ETFRF1: variants seen among roughly 807,000 people sequenced by gnomAD.
ETFRF1 encodes LYR motif containing 5.
A neutral mutation model predicts 9.0 loss-of-function variants in ETFRF1; 12 were observed. That is an observed-to-expected ratio of 1.34 (90% CI 0.86 to 2.16). ETFRF1 has a LOEUF of 2.16. Ranked by LOEUF, ETFRF1 falls within the 30% of genes most tolerant of loss-of-function variation. The pLI, the probability that ETFRF1 is intolerant of heterozygous loss-of-function variation, is 0.00. For missense variants in ETFRF1, 98 were observed against 101.8 expected (o/e 0.96, Z 0.16); for synonymous variants, 34 against 33.2 (o/e 1.02, Z -0.08).
chr12:25,202,104 G>A (rs546505710), intron 1 of ETFRF1, among the ~76,000 whole-genome samples: 10 of 138,576 alleles, frequency 7.2e-5, no homozygotes, highest in African/African-American at 1.8e-4. Context: ...GTGGTGGCGC[G>A]CACACGTAGT....
At chr12:25,199,875 G>A (rs1028422725) in intron 1 of ETFRF1, among the ~76,000 whole-genome samples, 8 of 151,846 alleles carry the variant, frequency 5.3e-5, no homozygotes, top group African/African-American at 1.9e-4. Context: ...GAACAACTCA[G>A]TAGAACACTT....
intron 1 of ETFRF1, among the ~76,000 whole-genome samples, chr12:25,200,583 G>A (rs10842504): frequency 0.49 from 74,872 of 151,956 alleles, 19,375 homozygotes; most frequent in East Asian, 0.8. Flanking sequence ...GCAAACAGAC[G>A]AGCAACTACT....
chr12:25,199,617 C>CAT (rs1424044381), intron 1 of ETFRF1, among the ~76,000 whole-genome samples: 2 of 135,648 alleles, frequency 1.5e-5, no homozygotes. Context: ...TATATGTATA[C>CAT]ATACACACAC....
intron 1 of ETFRF1, among the ~76,000 whole-genome samples, chr12:25,201,943 G>A (rs548126450): frequency 3.1e-4 from 47 of 151,576 alleles, no homozygotes; most frequent in African/African-American, 1.0e-3. Flanking sequence ...AGTTGCGGCC[G>A]GGCACGGTGG....
rs149050811 is a variant in ETFRF1 at position 25,202,063 on chromosome 12, CAA to C, written c.-37-1838_-37-1837del. 2.9e-3 allele frequency among the ~76,000 whole-genome samples: 151 copies of C among 52,812 alleles called. 2 individuals carry two copies. The highest frequency in any genetic ancestry group is 0.011 in the Middle Eastern group (1 of 88). 34.6% of individuals were successfully genotyped at this position (52,812 alleles called of 152,430 possible). ...GTGAAACCCCGTCTCTACTGAAATA[CAA>C]AAAAAAAAAAAAAAAAAATTAGCCA... On this transcript the variant is annotated intron_variant, in intron 1 of 2. Transcript: ENST00000381356.
chr12:25,203,642 C>T (rs1951095697), intron 1 of ETFRF1: 1 of 254,254 alleles, frequency 3.9e-6, no homozygotes, highest in Admixed American at 5.3e-5. Flanking sequence ...GTACACGTAC[C>T]TATCTGTGAT....
At chr12:25,203,629 G>T (rs761285256) in intron 1 of ETFRF1, 1 of 218,542 alleles carries the variant, frequency 4.6e-6, no homozygotes, top group Non-Finnish European at 8.8e-6. Context: ...GGCATAAAAG[G>T]AGGTACACGT....
At chr12:25,198,634 A>C (rs1334186690) in intron 1 of ETFRF1, among the ~76,000 whole-genome samples, 2 of 152,198 alleles carry the variant, frequency 1.3e-5, no homozygotes, top group Non-Finnish European at 2.9e-5. Flanking sequence ...AATTTCAAGA[A>C]AGCAAGAATC....
chr12:25,204,077 C>T lies in ETFRF1; in HGVS notation c.52-14C>T. Reference sequence around the variant, plus strand: ...CATGGATTGTTTAGAAATATATAATCTTTCTTTTTGAAGCTGCTGTATCTT... The same window carrying T: ...CATGGATTGTTTAGAAATATATAATTTTTCTTTTTGAAGCTGCTGTATCTT... On this transcript the variant is annotated splice_polypyrimidine_tract_variant and intron_variant, in intron 2 of 2. Coordinates refer to ENST00000381356, the MANE Select transcript of ETFRF1 (RefSeq NM_001001660.3). 6.4e-7 allele frequency: 1 copy of T among 1,556,122 alleles called. No homozygotes were observed. Among genetic ancestry groups the T allele is most frequent in the East Asian group, 2.4e-5 (1 of 41,526 alleles).
At chr12:25,199,615 T>TACACACACACACACACACACACACACAC in intron 1 of ETFRF1, among the ~76,000 whole-genome samples, 1 of 111,292 alleles carries the variant, frequency 9.0e-6, no homozygotes, top group East Asian at 2.0e-4. Flanking sequence ...CATATATGTA[T>TACACACACACACACACACACACACACAC]ACATACACAC....
At chr12:25,198,226 C>T (rs1031567398) in intron 1 of ETFRF1, among the ~76,000 whole-genome samples, 44 of 152,248 alleles carry the variant, frequency 2.9e-4, no homozygotes, top group African/African-American at 1.0e-3. Flanking sequence ...GAGAAGCACA[C>T]TGGAAACAAA....
chr12:25,197,013 G>T (rs573863837), intron 1 of ETFRF1, among the ~76,000 whole-genome samples: 1 of 152,076 alleles, frequency 6.6e-6, no homozygotes, highest in East Asian at 1.9e-4. Context: ...AAAATTAGCC[G>T]GGCGTGGTGA....
intron 1 of ETFRF1, among the ~76,000 whole-genome samples, chr12:25,202,293 G>T (rs574898747): frequency 6.6e-6 from 1 of 151,878 alleles, no homozygotes. Context: ...AAGTCATTAC[G>T]TGGGGCTGAG....
rs1385456855 is a variant in ETFRF1 at position 25,198,910 on chromosome 12, A to G, written c.-38+3573A>G. Among the ~76,000 whole-genome samples, 3 of 152,106 alleles carry G rather than the reference A, an allele frequency of 2.0e-5. No homozygotes were observed. The East Asian group carries it at 5.8e-4, about 29-fold the overall frequency. Reference sequence around the variant, plus strand: ...TCCTTCCCCAGAGAGGCATACCCCAAGTTCTGTGTAGCCATCGACTGAGGA... The same window carrying G: ...TCCTTCCCCAGAGAGGCATACCCCAGGTTCTGTGTAGCCATCGACTGAGGA... On this transcript the variant is annotated intron_variant, in intron 1 of 2. Transcript: ENST00000381356.
In ETFRF1 at chr12:25,202,639, C is replaced by A. The variant is rs142548268; in HGVS notation, c.-37-1281C>A. Among the ~76,000 whole-genome samples the A allele has an allele frequency of 3.3e-5, 5 of 152,108 alleles. No individual in the cohort carries two copies. The South Asian group carries it at 8.3e-4, about 25-fold the overall frequency. On this transcript the variant is annotated intron_variant, in intron 1 of 2. Transcript: ENST00000381356. Reference sequence around the variant, plus strand: ...GCAGTGGCACTCTGGCATTAGGTGGCAGAGCTCAGAGAGTAGAGTGTGTGC... The same window carrying A: ...GCAGTGGCACTCTGGCATTAGGTGGAAGAGCTCAGAGAGTAGAGTGTGTGC...
intron 1 of ETFRF1, among the ~76,000 whole-genome samples, chr12:25,202,845 T>C (rs1305274222): frequency 1.3e-5 from 2 of 152,142 alleles, no homozygotes; most frequent in African/African-American, 2.4e-5. Flanking sequence ...GAATGTTAGG[T>C]AGCAGATTAT....
At chr12:25,200,884 A>G (rs1408499792) in intron 1 of ETFRF1, among the ~76,000 whole-genome samples, 3 of 152,230 alleles carry the variant, frequency 2.0e-5, no homozygotes, top group Non-Finnish European at 4.4e-5. Context: ...TGATGTAGAG[A>G]GCAGTCAGTC....
chr12:25,202,368 G>C (rs1191559235), intron 1 of ETFRF1, among the ~76,000 whole-genome samples: 1 of 144,922 alleles, frequency 6.9e-6, no homozygotes, highest in Non-Finnish European at 1.5e-5. Flanking sequence ...CCCAGCAGGG[G>C]ATACTGGAGC....
chr12:25,197,276 A>G (rs190394936), intron 1 of ETFRF1, among the ~76,000 whole-genome samples: 3 of 152,374 alleles, frequency 2.0e-5, no homozygotes, highest in Admixed American at 6.5e-5. Flanking sequence ...CATAATTTGT[A>G]AAAAGACCAA....
Sources: gnomAD v4.1 joint callset for allele counts (sites outside exome capture counted in the v4.1 genomes callset) on GRCh38, gnomAD v4.1.1 for gene constraint, MANE v1.5 for transcripts, NCBI Gene and HGNC (gene_info 2026-07-23, HGNC 2026-07-21) for gene names.